The following PAH variants were observed in gnomAD, a reference collection of about 807,000 sequenced individuals.
The protein encoded by PAH is phenylalanine hydroxylase, also known as phenylalanine-4-hydroxylase.
PAH carries 64 observed loss-of-function variants against 62.0 expected under a neutral mutation model. That is an observed-to-expected ratio of 1.03 (90% CI 0.84 to 1.27). PAH has a LOEUF of 1.27. Among genes scored for constraint, PAH ranks in the 50% most tolerant of loss-of-function variants. The probability of loss-of-function intolerance (pLI) is 0.00; values close to 1 mark genes in which losing one functional copy is unlikely to be tolerated. For synonymous variants in PAH, 195 were observed against 196.2 expected, an observed-to-expected ratio of 0.99 and a Z score of 0.05; for missense variants, 579 against 542.8, an observed-to-expected ratio of 1.07 and a Z score of -0.66.
At chr12:102,929,855 G>A (rs923639850) in intron 1 of PAH, among the ~76,000 whole-genome samples, 1 of 152,164 alleles carries the variant, frequency 6.6e-6, no homozygotes, top group African/African-American at 2.4e-5. Flanking sequence ...AGGCTGCTAA[G>A]TAGATGGAGA....
chr12:102,939,674 G>T (rs1319487289), intron 1 of PAH, among the ~76,000 whole-genome samples: 1 of 152,152 alleles, frequency 6.6e-6, no homozygotes, highest in African/African-American at 2.4e-5. Flanking sequence ...ACCATGCAGG[G>T]CCCCCAGTTT....
At position 102,846,879 on chromosome 12, in the gene PAH, G is replaced by A. The variant is rs1029064091; in HGVS notation, c.969+16C>T. On this transcript the variant is annotated intron_variant, in intron 9 of 12. Transcript: ENST00000553106. ...TATAGCACTCCACCATCCACCCAGGGAGAGAAGGGACTTACTGTGGCGAGC... is the reference window on the plus strand; with the variant it reads ...TATAGCACTCCACCATCCACCCAGGAAGAGAAGGGACTTACTGTGGCGAGC... 5.6e-6 allele frequency: 9 copies of A among 1,609,934 alleles called. No individual in the cohort carries two copies. The African/African-American group carries it at 9.4e-5, about 17-fold the overall frequency.
At chr12:102,875,524 G>A (rs1050700969) in intron 4 of PAH, among the ~76,000 whole-genome samples, 15 of 152,316 alleles carry the variant, frequency 9.8e-5, no homozygotes, top group Middle Eastern at 3.4e-3. Flanking sequence ...TGCTGACAGA[G>A]TTGATGGCTA....
chr12:102,845,671 T>G (rs752690509), intron 9 of PAH, among the ~76,000 whole-genome samples: 45 of 152,168 alleles, frequency 3.0e-4, no homozygotes, highest in Non-Finnish European at 5.7e-4. Flanking sequence ...TAGTTACATC[T>G]GTTTATTGGA....
At chr12:102,872,293 G>A (rs142942330) in intron 4 of PAH, among the ~76,000 whole-genome samples, 299 of 152,154 alleles carry the variant, frequency 2.0e-3, no homozygotes, top group Non-Finnish European at 3.5e-3. Flanking sequence ...TCTATTTTCC[G>A]ATGACCACGT....
chr12:102,881,791 C>A (rs1051823426), intron 3 of PAH, among the ~76,000 whole-genome samples: 4 of 152,260 alleles, frequency 2.6e-5, no homozygotes, highest in African/African-American at 7.2e-5. Flanking sequence ...GACAATATTT[C>A]TTTTTTCATG....
chr12:102,913,284 A>T (rs1247886169), intron 1 of PAH, among the ~76,000 whole-genome samples: 1 of 152,180 alleles, frequency 6.6e-6, no homozygotes, highest in Non-Finnish European at 1.5e-5. Context: ...CTTAATAGAC[A>T]CATATATAAC....
chr12:102,946,649 G>C (rs1434180280), intron 1 of PAH: 1 of 152,804 alleles, frequency 6.5e-6, no homozygotes, highest in African/African-American at 2.4e-5. Context: ...TGATGGGGGA[G>C]GAGTTGCATC....
At position 102,890,485 on chromosome 12, in the gene PAH, C is replaced by T. The variant is rs546348757; in HGVS notation, c.352+4250G>A. 9.2e-5 allele frequency among the ~76,000 whole-genome samples: 14 copies of T among 152,310 alleles called. No individual in the cohort carries two copies. The South Asian group carries it at 2.7e-3, about 29-fold the overall frequency. On this transcript the variant is annotated intron_variant, in intron 3 of 12. Coordinates refer to ENST00000553106, the MANE Select transcript of PAH (RefSeq NM_000277.3). ...CCCAAAGAGTCTTTCTTGGCAGATGCCAGGTCGTGGCATGTCAACATCAGC... is the reference window on the plus strand; with the variant it reads ...CCCAAAGAGTCTTTCTTGGCAGATGTCAGGTCGTGGCATGTCAACATCAGC...
At chr12:102,933,096 T>C (rs1240083806) in intron 1 of PAH, among the ~76,000 whole-genome samples, 1 of 152,220 alleles carries the variant, frequency 6.6e-6, no homozygotes, top group African/African-American at 2.4e-5. Flanking sequence ...TATATTTTTG[T>C]ACCATTAACC....
rs1874397193 is a variant in PAH at position 102,837,134 on chromosome 12, A to C, written c.*2041T>G. The stretch of plus-strand genomic sequence containing the variant: ...AGAAATTAAACAAATAAAAACACTT[A>C]CATATTGGAAATTTATTAAATCCCA... On this transcript the variant is annotated 3_prime_UTR_variant, in exon 13 of 13. Transcript: ENST00000553106. 1 of 152,244 alleles carries C rather than the reference A, an allele frequency of 6.6e-6. No individual in the cohort carries two copies. The highest frequency in any genetic ancestry group is 6.5e-5 in the Admixed American group (1 of 15,286). 9.4% of individuals were successfully genotyped at this position (152,244 alleles called of 1,614,324 possible). A position where few individuals can be genotyped will look rare whatever the true frequency, so the allele number is the denominator to read the frequency against.
chr12:102,871,623 C>A (rs1474979444), intron 4 of PAH, among the ~76,000 whole-genome samples: 1 of 152,014 alleles, frequency 6.6e-6, no homozygotes, highest in Non-Finnish European at 1.5e-5. Flanking sequence ...AGAAGCTGTT[C>A]AAAAATTATG....
At chr12:102,947,235 T>A (rs1879536507) in intron 1 of PAH, among the ~76,000 whole-genome samples, 1 of 152,068 alleles carries the variant, frequency 6.6e-6, no homozygotes, top group African/African-American at 2.4e-5. Context: ...ACTTGGTGGT[T>A]GTGGAGTGCC....
At chr12:102,928,367 T>C (rs1398836545) in intron 1 of PAH, among the ~76,000 whole-genome samples, 2 of 152,174 alleles carry the variant, frequency 1.3e-5, no homozygotes, top group African/African-American at 4.8e-5. Flanking sequence ...TGATAGGTTT[T>C]TAGTATTCTC....
intron 9 of PAH, among the ~76,000 whole-genome samples, chr12:102,846,562 A>G (rs1430468672): frequency 6.6e-6 from 1 of 152,172 alleles, no homozygotes; most frequent in Non-Finnish European, 1.5e-5. Flanking sequence ...TAGAGATGTA[A>G]ACATTCCATG....
At chr12:102,858,792 C>T (rs1875566822) in intron 5 of PAH, among the ~76,000 whole-genome samples, 1 of 152,172 alleles carries the variant, frequency 6.6e-6, no homozygotes, top group Admixed American at 6.5e-5. Flanking sequence ...AAAGACACAA[C>T]ATACCAGAAT....
chr12:102,877,605 G>A, intron 3 of PAH, 55 bp from the exon 4 acceptor site: 1 of 1,347,908 alleles, frequency 7.4e-7, no homozygotes, highest in Non-Finnish European at 1.1e-6. Context: ...CATGGCCAAA[G>A]GCCTTGCTGA....
rs62508588 is a variant in PAH, at chr12:102,852,929, C to T, written c.728G>A (p.Arg243Gln). The change falls in exon 7 of 13, where the codon CGA becomes CAA. Residue 243 changes from arginine (R) to glutamine (Q), a missense_variant. Arg to Gln is a conservative substitution (Grantham distance 43). Transcript: ENST00000553106. Reference sequence around the variant, plus strand: ...AGAGGAAAGCAGGCCAGCCACAGGTCGGAGGCGGAAACCAGTGCAAGCTGG... The same window carrying T: ...AGAGGAAAGCAGGCCAGCCACAGGTTGGAGGCGGAAACCAGTGCAAGCTGG... Reference protein sequence around the residue: ...FLQTCTGFRLRPVAGLLSSRD... With the variant: ...FLQTCTGFRLQPVAGLLSSRD... The T allele has an allele frequency of 4.3e-5, 70 of 1,614,000 alleles. No homozygotes were observed. Among genetic ancestry groups the T allele is most frequent in the East Asian group, 3.3e-4 (15 of 44,852 alleles).
intron 3 of PAH, among the ~76,000 whole-genome samples, chr12:102,891,110 A>G (rs1229165121): frequency 6.6e-6 from 1 of 152,168 alleles, no homozygotes; most frequent in Admixed American, 6.5e-5. Flanking sequence ...TAGCTTTTTT[A>G]CTTTCTTACT....
Sources: gnomAD v4.1 joint callset for allele counts (sites outside exome capture counted in the v4.1 genomes callset) on GRCh38, gnomAD v4.1.1 for gene constraint, MANE v1.5 for transcripts, NCBI Gene and HGNC (gene_info 2026-07-23, HGNC 2026-07-21) for gene names.